MTMR11: variants seen among roughly 807,000 people sequenced by gnomAD.
MTMR11 encodes the protein myotubularin related protein 11, also known as myotubularin-related protein 11.
A neutral mutation model predicts 100.0 loss-of-function variants in MTMR11; 89 were observed. The observed-to-expected ratio is 0.89, with a 90% CI of 0.75 to 1.06. MTMR11 has a LOEUF of 1.06. Among genes scored for constraint, MTMR11 ranks in the 50% least tolerant of loss-of-function variants. The pLI, the probability that MTMR11 is intolerant of heterozygous loss-of-function variation, is 0.00. For missense variants in MTMR11, 809 were observed against 873.7 expected (o/e 0.93, Z 0.93); for synonymous variants, 336 against 326.3 (o/e 1.03, Z -0.32).
chr1:149,932,056 C>T, intron 11 of MTMR11, 42 bp from the exon 12 acceptor site: 1 of 1,563,616 alleles, frequency 6.4e-7, no homozygotes, highest in Non-Finnish European at 8.8e-7. Context: ...AATGATAAGC[C>T]TAGGGGAATG....
Position 149,931,276 on chromosome 1 carries a change from G to T in MTMR11, c.1274C>A (p.Thr425Asn). The T allele has an allele frequency of 1.9e-6, 3 of 1,614,070 alleles. No homozygotes were observed. The highest frequency in any genetic ancestry group is 2.5e-6 in the Non-Finnish European group (3 of 1,180,010). The change falls in exon 13 of 17, where the codon ACT (threonine) becomes AAT (asparagine). Residue 425 changes from threonine to asparagine, a missense_variant. By Grantham distance (65) the Thr-to-Asn change is moderately conservative (BLOSUM62 0). Coordinates refer to ENST00000439741, the MANE Select transcript of MTMR11 (RefSeq NM_001145862.2). ...CATTCTCACCTCTTCACTGGCCCCA[G>T]TTCCCCCAAGCCGAGTCAGGAAGGG... ...GHPFLTRLGG[T>N]GASEEAPVFL...
At chr1:149,930,087 C>T (rs2092638879) in intron 15 of MTMR11, 171 bp from the exon 16 acceptor site, 1 of 774,248 alleles carries the variant, frequency 1.3e-6, no homozygotes, top group African/African-American at 1.8e-5. Flanking sequence ...TCAACTAGGC[C>T]TCGGGACTGA....
In MTMR11 at chr1:149,933,622, T is replaced by C; in HGVS notation, c.848A>G (p.Lys283Arg). The change falls in exon 9 of 17, where the codon AAG becomes AGG. Residue 283 changes from lysine (K) to arginine (R), a missense_variant. Coordinates refer to ENST00000439741, the MANE Select transcript of MTMR11 (RefSeq NM_001145862.2). ...AAGCCTCCCTCACCTGATATCCTCCTTGTTAGGGTCACTGGCTGTATAGAA... is the reference window on the plus strand; with the variant it reads ...AAGCCTCCCTCACCTGATATCCTCCCTGTTAGGGTCACTGGCTGTATAGAA... ...GGFYTASDPN[K>R]EDIRAVELML... 6.2e-7 allele frequency: 1 copy of C among 1,614,190 alleles called. No individual in the cohort carries two copies. Among genetic ancestry groups the C allele is most frequent in the Non-Finnish European group, 8.5e-7 (1 of 1,180,014 alleles).
rs782301473 is a variant in MTMR11 at position 149,935,123 on chromosome 1, C to A, written c.331G>T (p.Gly111Cys). 9.3e-6 allele frequency: 15 copies of A among 1,613,988 alleles called. No homozygotes were observed. In the Admixed American group the frequency reaches 1.8e-4, roughly 20 times the overall value. ...CGGAGGAGCTGGACTCGGGACAAGC[C>A]GCTCACTGAAGTCAAGAGGTACAGA... ...VNIGRLEAVSGLSRVQLLRPG... is the reference protein window; with the variant it reads ...VNIGRLEAVSCLSRVQLLRPG... Residue 111 changes from glycine to cysteine, a missense_variant, in exon 5 of 17, where the codon GGC (glycine) becomes TGC (cysteine). Transcript: ENST00000439741.
chr1:149,935,262 C>A, intron 4 of MTMR11, 37 bp downstream of exon 4: 1 of 1,609,086 alleles, frequency 6.2e-7, no homozygotes, highest in Non-Finnish European at 8.5e-7. Context: ...TCCAACAACC[C>A]CAGTGAACCC....
chr1:149,934,190 C>G lies in MTMR11; in HGVS notation c.683+1G>C. 6.2e-7 allele frequency: 1 copy of G among 1,613,758 alleles called. No individual in the cohort carries two copies. ...AGGGTTGGGGTGCACTGGGGGATCA[C>G]CTGGTGGCTACGTCGAACCTCTCGT... On this transcript the variant is annotated splice_donor_variant, in intron 7 of 16. Transcript: ENST00000439741. LOFTEE classifies it high-confidence loss of function.
chr1:149,928,770 A>T lies in MTMR11; in HGVS notation c.*359T>A, dbSNP rs1267105434. On this transcript the variant is annotated 3_prime_UTR_variant, in exon 17 of 17. Transcript: ENST00000439741. ...CCCATAGAAAACTATAAGGGAAGAA[A>T]TAGAACTTGGAATTAAAGCAGCAGC... 8.3e-7 allele frequency: 1 copy of T among 1,202,422 alleles called. No homozygotes were observed. Among genetic ancestry groups the T allele is most frequent in the Non-Finnish European group, 1.2e-6 (1 of 810,756 alleles). The allele number at this position is 1,202,422 out of a possible 1,614,324, so 74.5% of individuals were successfully genotyped here. A position where few individuals can be genotyped will look rare whatever the true frequency, so the allele number is the denominator to read the frequency against.
chr1:149,930,940 T>C lies in MTMR11; in HGVS notation c.1316A>G (p.Asp439Gly). 2 of 1,606,688 alleles carry C rather than the reference T, an allele frequency of 1.2e-6. No homozygotes were observed. Among genetic ancestry groups the C allele is most frequent in the Non-Finnish European group, 1.7e-6 (2 of 1,177,974 alleles). Residue 439 changes from aspartate to glycine, a missense_variant, in exon 14 of 17, where the codon GAT (aspartate) becomes GGT (glycine). Coordinates refer to ENST00000439741, the MANE Select transcript of MTMR11 (RefSeq NM_001145862.2). The stretch of plus-strand genomic sequence containing the variant: ...CTGCTGGAGGAGCTGCCAGACACAA[T>C]CAAGGAAGAGGAGAAACACCGGAGC... ...EEAPVFLLFL[D>G]CVWQLLQQFP...
At chr1:149,930,628 T>C (rs1221806301) in intron 14 of MTMR11, 81 bp from the exon 15 acceptor site, 3 of 1,423,250 alleles carry the variant, frequency 2.1e-6, no homozygotes, top group African/African-American at 1.4e-5. Flanking sequence ...TCTCACCTCT[T>C]ATTCTAGGAA....
rs1319126679 is a variant in MTMR11 at position 149,935,356 on chromosome 1, T to C, written c.268A>G (p.Thr90Ala). 1 of 1,612,706 alleles carries C rather than the reference T, an allele frequency of 6.2e-7. No homozygotes were observed. Among genetic ancestry groups the C allele is most frequent in the Non-Finnish European group, 8.5e-7 (1 of 1,179,622 alleles). ...AAATCGTATTCACTGTTCAAGGGAG[T>C]GTCCTAGACGAAACACGTGACTGGG... The part of the protein sequence containing the change: ...QPCGWQWNQD[T>A]PLNSEYDFAL... The change falls in exon 4 of 17, where the codon ACT (threonine) becomes GCT (alanine). Residue 90 changes from threonine (T) to alanine (A), a missense_variant. Coordinates refer to ENST00000439741, the MANE Select transcript of MTMR11 (RefSeq NM_001145862.2).
rs782663196 is a variant in MTMR11 at position 149,931,942 on chromosome 1, AC to A, written c.1123+1del. The A allele has an allele frequency of 4.3e-6, 7 of 1,610,662 alleles. No homozygotes were observed. In the South Asian group the frequency reaches 7.7e-5, roughly 18 times the overall value. On this transcript the variant is annotated splice_donor_variant, in intron 12 of 16. Transcript: ENST00000439741. LOFTEE classifies it high-confidence loss of function. ...TGGAATGGGCTTAACCAAGGAACTC[AC>A]CTTGAAGTATTACAGAACGAACCCT...
chr1:149,935,279 C>CA lies in MTMR11; in HGVS notation c.325+19dup. On this transcript the variant is annotated intron_variant, in intron 4 of 16. Coordinates refer to ENST00000439741, the MANE Select transcript of MTMR11 (RefSeq NM_001145862.2). ...CAACAACCCCAGTGAACCCCTTCAC[C>CA]AAACCCCCCCCCAACTTACCAGCCT... 2 of 1,611,344 alleles carry CA rather than the reference C, an allele frequency of 1.2e-6. No individual in the cohort carries two copies. The highest frequency in any genetic ancestry group is 1.7e-6 in the Non-Finnish European group (2 of 1,178,704).
At position 149,929,895 on chromosome 1, in the gene MTMR11, G is replaced by T; in HGVS notation, c.1669C>A (p.Pro557Thr). ...RPQPSFMVPG[P>T]PSSVWLFSRG... The stretch of plus-strand genomic sequence containing the variant: ...GAGAAGAGCCACACAGAACTGGGGG[G>T]TCCAGGAACCATGAAGCTTGGCTAA... Residue 557 changes from proline (P) to threonine (T), a missense_variant, in exon 16 of 17, where the codon CCC becomes ACC. Pro to Thr is a conservative substitution (Grantham distance 38). Transcript: ENST00000439741. The T allele has an allele frequency of 6.2e-7, 1 of 1,609,572 alleles. No homozygotes were observed. The highest frequency in any genetic ancestry group is 2.2e-5 in the East Asian group (1 of 44,830).
chr1:149,934,975 G>A lies in MTMR11; in HGVS notation c.468+11C>T. ...AGGTGAGGAGAAAGCCTCAGGTTAG[G>A]GGCCTCTTACCTGAAAAGCCTGAGG... On this transcript the variant is annotated intron_variant, in intron 5 of 16. Transcript: ENST00000439741. 1 of 1,612,920 alleles carries A rather than the reference G, an allele frequency of 6.2e-7. No homozygotes were observed. The highest frequency in any genetic ancestry group is 8.5e-7 in the Non-Finnish European group (1 of 1,179,846).
intron 10 of MTMR11, among the ~76,000 whole-genome samples, chr1:149,932,812 A>G (rs1239872185): frequency 1.3e-5 from 2 of 151,878 alleles, no homozygotes; most frequent in African/African-American, 2.4e-5. Flanking sequence ...TTAGCCAGGC[A>G]TGGTGGCAGG....
At chr1:149,932,146 G>T in intron 11 of MTMR11, 118 bp downstream of exon 11, 1 of 1,389,448 alleles carries the variant, frequency 7.2e-7, no homozygotes. Context: ...GCAGAAAATG[G>T]CAGTCTTCTT....
chr1:149,936,580 A>C lies in MTMR11; in HGVS notation c.66+2T>G, dbSNP rs1559811898. On this transcript the variant is annotated splice_donor_variant, in intron 1 of 16. Coordinates refer to ENST00000439741, the MANE Select transcript of MTMR11 (RefSeq NM_001145862.2). LOFTEE classifies it high-confidence loss of function. Reference sequence around the variant, plus strand: ...GACACCCCCCAAATTCCTTCTCCTTACCCCCATCTCTGGCTCCTCCTTCTG... The same window carrying C: ...GACACCCCCCAAATTCCTTCTCCTTCCCCCCATCTCTGGCTCCTCCTTCTG... 6.6e-7 allele frequency: 1 copy of C among 1,518,016 alleles called. No homozygotes were observed. Among genetic ancestry groups the C allele is most frequent in the Admixed American group, 2.0e-5 (1 of 49,732 alleles). The allele number at this position is 1,518,016 out of a possible 1,614,324, so 94.0% of individuals were successfully genotyped here.
chr1:149,929,234 T>C lies in MTMR11; in HGVS notation c.2025A>G (p.Arg675=), dbSNP rs139715042. The change falls in exon 17 of 17, where the codon AGA becomes AGG. Residue 675 remains arginine (R), a synonymous_variant. Transcript: ENST00000439741. ...LQELLRKWTP[R]ISPEDHSKKR... is the part of the protein sequence containing the mutation. ...TCTTGGAGTGATCCTCAGGAGATAT[T>C]CTTGGTGTCCATTTCCGTAATAACT... The C allele has an allele frequency of 4.6e-5, 75 of 1,614,008 alleles. No individual in the cohort carries two copies. The African/African-American group carries it at 9.5e-4, about 20-fold the overall frequency.
rs1213104235 is a variant in MTMR11, at chr1:149,929,622, C to A, written c.1941+1G>T. 3 of 1,609,290 alleles carry A rather than the reference C, an allele frequency of 1.9e-6. No homozygotes were observed. Among genetic ancestry groups the A allele is most frequent in the Admixed American group, 1.7e-5 (1 of 59,644 alleles). On this transcript the variant is annotated splice_donor_variant, in intron 16 of 16. Coordinates refer to ENST00000439741, the MANE Select transcript of MTMR11 (RefSeq NM_001145862.2). LOFTEE classifies it high-confidence loss of function. ...ACTCCCAGTCTATTTTCCCTTCTTA[C>A]CTGGACCTCAGGCCTTCCCCTCAGG... is the stretch of plus-strand genomic sequence containing the variant.
Sources: gnomAD v4.1 joint callset for allele counts (sites outside exome capture counted in the v4.1 genomes callset) on GRCh38, gnomAD v4.1.1 for gene constraint, MANE v1.5 for transcripts, NCBI Gene and HGNC (gene_info 2026-07-23, HGNC 2026-07-21) for gene names.